ARHGAP26: variants seen among roughly 807,000 people sequenced by gnomAD.
ARHGAP26 encodes Rho GTPase activating protein 26.
Under a neutral mutation model 104.8 loss-of-function variants are expected in ARHGAP26, and 38 were observed. The observed-to-expected ratio is 0.36, with a 90% CI of 0.28 to 0.48. The LOEUF (loss-of-function observed/expected upper bound fraction) is 0.48, where lower values mean the gene tolerates loss of function less well. Among genes scored for constraint, ARHGAP26 ranks in the 20% least tolerant of loss-of-function variants. ARHGAP26 has a pLI of 0.99. For missense variants in ARHGAP26, 704 were observed against 947.9 expected (o/e 0.74, Z 3.38); for synonymous variants, 341 against 340.0 (o/e 1.00, Z -0.03).
chr5:142,849,412 G>T (rs1461501129), intron 1 of ARHGAP26, among the ~76,000 whole-genome samples: 1 of 152,188 alleles, frequency 6.6e-6, no homozygotes, highest in Admixed American at 6.5e-5. Context: ...TGCTTGAGAA[G>T]GTGTGCATAC....
At chr5:143,007,654 AC>A (rs1011599597) in intron 11 of ARHGAP26, among the ~76,000 whole-genome samples, 2 of 152,184 alleles carry the variant, frequency 1.3e-5, no homozygotes, top group African/African-American at 2.4e-5. Context: ...CTAGTATGTA[AC>A]CTTTGGAAAG....
At chr5:143,059,241 G>A (rs944425867) in intron 17 of ARHGAP26, among the ~76,000 whole-genome samples, 2 of 152,128 alleles carry the variant, frequency 1.3e-5, no homozygotes, top group African/African-American at 4.8e-5. Context: ...CATGGCCATC[G>A]GGTCTGAAAG....
chr5:142,882,196 G>C (rs1377406229), intron 4 of ARHGAP26, among the ~76,000 whole-genome samples: 1 of 152,104 alleles, frequency 6.6e-6, no homozygotes, highest in Non-Finnish European at 1.5e-5. Flanking sequence ...GTAGACTTGG[G>C]GAGGTTACTA....
chr5:142,981,886 G>T (rs553907305), intron 11 of ARHGAP26, among the ~76,000 whole-genome samples: 1 of 152,160 alleles, frequency 6.6e-6, no homozygotes, highest in Non-Finnish European at 1.5e-5. Context: ...TCAGTGAAAG[G>T]CTTCCATTTT....
intron 17 of ARHGAP26, among the ~76,000 whole-genome samples, chr5:143,108,568 A>G (rs972098562): frequency 6.6e-6 from 1 of 152,168 alleles, no homozygotes; most frequent in African/African-American, 2.4e-5. Flanking sequence ...TTTCAACTTC[A>G]GCCTCCCAGT....
chr5:143,012,067 A>C (rs1282599940), intron 11 of ARHGAP26, among the ~76,000 whole-genome samples: 1 of 152,210 alleles, frequency 6.6e-6, no homozygotes, highest in Non-Finnish European at 1.5e-5. Flanking sequence ...AGCCCAGGCC[A>C]GGATCAAAAT....
At chr5:143,018,379 T>C (rs994927048) in intron 12 of ARHGAP26, among the ~76,000 whole-genome samples, 1 of 152,220 alleles carries the variant, frequency 6.6e-6, no homozygotes, top group Non-Finnish European at 1.5e-5. Flanking sequence ...GCTTTCTTGT[T>C]TATGATTTTC....
At chr5:142,924,066 G>A (rs531887866) in intron 10 of ARHGAP26, among the ~76,000 whole-genome samples, 45 of 152,070 alleles carry the variant, frequency 3.0e-4, no homozygotes, top group African/African-American at 9.9e-4. Context: ...GTTTCACCGT[G>A]TTAGCCAGGA....
intron 20 of ARHGAP26, among the ~76,000 whole-genome samples, chr5:143,167,270 C>T (rs1284216732): frequency 6.8e-6 from 1 of 145,994 alleles, no homozygotes. Context: ...AGTTTGAGAC[C>T]AGCCTGGCCA....
intron 1 of ARHGAP26, among the ~76,000 whole-genome samples, chr5:142,813,600 G>T (rs1393304951): frequency 6.6e-6 from 1 of 152,118 alleles, no homozygotes; most frequent in East Asian, 1.9e-4. Context: ...GTTTTGGCAG[G>T]GCTGTTTTCT....
chr5:142,770,662 TCGGGGGAGCCGGCC>T lies in ARHGAP26; in HGVS notation c.-99_-86del. On this transcript the variant is annotated 5_prime_UTR_variant, in exon 1 of 23. Transcript: ENST00000645722. ...GCCACACCTGTGGAGCCGGCGGCCG[TCGGGGGAGCCGGCC>T]GGGGTCCCGCCGCGTGAGTGCTCTG... 7.7e-6 allele frequency: 7 copies of T among 911,402 alleles called. No individual in the cohort carries two copies. The highest frequency in any genetic ancestry group is 9.3e-6 in the Non-Finnish European group (7 of 748,908). 56.5% of individuals were successfully genotyped at this position (911,402 alleles called of 1,614,324 possible).
intron 11 of ARHGAP26, among the ~76,000 whole-genome samples, chr5:143,012,576 T>TATATATATATATATATACACA (rs1554195628): frequency 3.5e-5 from 2 of 57,044 alleles, no homozygotes; most frequent in Non-Finnish European, 1.0e-4. Flanking sequence ...TATATATATA[T>TATATATATATATATATACACA]TATGATCAGG....
chr5:143,214,875 T>C (rs1488663690), intron 22 of ARHGAP26, among the ~76,000 whole-genome samples: 2 of 152,256 alleles, frequency 1.3e-5, no homozygotes, highest in African/African-American at 2.4e-5. Context: ...TTCCCTTTTA[T>C]CGTTCTCAAA....
rs1554140735 is a variant in ARHGAP26, at chr5:142,890,151, A to AT, written c.487-4087_487-4086insT. 3.9e-3 allele frequency among the ~76,000 whole-genome samples: 124 copies of AT among 32,196 alleles called. 2 individuals carry two copies. Among genetic ancestry groups the AT allele is most frequent in the Non-Finnish European group, 4.8e-3 (87 of 18,126 alleles). The allele number at this position is 32,196 out of a possible 152,430, so 21.1% of individuals were successfully genotyped here. A position where few individuals can be genotyped will look rare whatever the true frequency, so the allele number is the denominator to read the frequency against. On this transcript the variant is annotated intron_variant, in intron 5 of 22. Transcript: ENST00000645722. Reference sequence around the variant, plus strand: ...AACTCCGTCTTAAAAAAAAAAAAAAAATATATATATATATATATATATATA... The same window carrying AT: ...AACTCCGTCTTAAAAAAAAAAAAAAATATATATATATATATATATATATATA...
chr5:143,120,453 C>T (rs192503443), intron 17 of ARHGAP26, among the ~76,000 whole-genome samples: 8 of 152,244 alleles, frequency 5.3e-5, no homozygotes, highest in African/African-American at 1.7e-4. Flanking sequence ...TTAATCTGAT[C>T]GGCCTTTAAT....
chr5:142,954,160 C>G (rs559978759), intron 11 of ARHGAP26, among the ~76,000 whole-genome samples: 6 of 152,220 alleles, frequency 3.9e-5, no homozygotes, highest in Non-Finnish European at 7.3e-5. Context: ...TTAAATACCA[C>G]TAGGCAATCA....
intron 10 of ARHGAP26, among the ~76,000 whole-genome samples, chr5:142,931,332 T>C (rs1232944846): frequency 6.6e-6 from 1 of 152,172 alleles, no homozygotes; most frequent in African/African-American, 2.4e-5. Context: ...CTCTTTTTCT[T>C]GCGGAGTACC....
At chr5:143,137,811 G>C (rs2150924080) in intron 19 of ARHGAP26, among the ~76,000 whole-genome samples, 1 of 152,358 alleles carries the variant, frequency 6.6e-6, no homozygotes, top group South Asian at 2.1e-4. Flanking sequence ...TCCAGGTGCT[G>C]TTGGCAGCAT....
At chr5:143,165,506 A>G (rs1481301871) in intron 20 of ARHGAP26, 1 of 152,274 alleles carries the variant, frequency 6.6e-6, no homozygotes. Context: ...TTCTGGGGGC[A>G]GATTTACTGA....
Sources: gnomAD v4.1 joint callset for allele counts (sites outside exome capture counted in the v4.1 genomes callset) on GRCh38, gnomAD v4.1.1 for gene constraint, MANE v1.5 for transcripts, NCBI Gene and HGNC (gene_info 2026-07-23, HGNC 2026-07-21) for gene names.